Variants in NCAPG2 observed in about 807,000 individuals in gnomAD.
The protein encoded by NCAPG2 is non-SMC condensin II complex subunit G2.
NCAPG2 carries 53 observed loss-of-function variants against 141.1 expected under a neutral mutation model. The ratio of observed to expected loss-of-function variants is 0.38; its 90% CI spans 0.30 to 0.47. The LOEUF (loss-of-function observed/expected upper bound fraction) is 0.47, where lower values mean the gene tolerates loss of function less well. Among genes scored for constraint, NCAPG2 ranks in the 20% least tolerant of loss-of-function variants. The pLI is 0.99. For synonymous variants in NCAPG2, 499 were observed against 490.7 expected (o/e 1.02, Z -0.22); for missense variants, 1,087 against 1,389.0 (o/e 0.78, Z 3.46).
At chr7:158,655,092 G>C (rs544153673) in intron 21 of NCAPG2, 26 bp downstream of exon 21, 2 of 1,568,528 alleles carry the variant, frequency 1.3e-6, no homozygotes, top group East Asian at 4.5e-5. Flanking sequence ...TAAAGAGAAA[G>C]TTTTCTGTGT....
In NCAPG2 at chr7:158,693,495, T is replaced by C; in HGVS notation, c.81A>G (p.Lys27=). 1 of 1,605,750 alleles carries C rather than the reference T, an allele frequency of 6.2e-7. No homozygotes were observed. Among genetic ancestry groups the C allele is most frequent in the South Asian group, 1.1e-5 (1 of 89,894 alleles). ...TTAGGCTGAAAGGATCAGAGGCCTC[T>C]TTCTGTAACATAAATAGCAAGTGTC... The part of the protein sequence containing the change: ...GEFLQFVQLD[K]EASDPFSLNE... The change falls in exon 3 of 28, where the codon AAA becomes AAG. Residue 27 remains lysine (K), a splice_region_variant and synonymous_variant. Transcript: ENST00000356309.
intron 27 of NCAPG2, chr7:158,639,784 A>G (rs1830513776): frequency 2.5e-5 from 23 of 931,260 alleles, no homozygotes; most frequent in Non-Finnish European, 2.9e-5. Flanking sequence ...AAACAAAAAC[A>G]AAACACTACA....
At chr7:158,684,532 G>A (rs1834636900) in intron 8 of NCAPG2, among the ~76,000 whole-genome samples, 1 of 152,144 alleles carries the variant, frequency 6.6e-6, no homozygotes, top group Admixed American at 6.5e-5. Context: ...ACATTTTTAG[G>A]TCTTACAATG....
At chr7:158,690,807 T>C (rs1035397490) in intron 4 of NCAPG2, 85 bp from the exon 5 acceptor site, 31 of 1,246,822 alleles carry the variant, frequency 2.5e-5, no homozygotes, top group South Asian at 3.1e-5. Flanking sequence ...CATGACTTTA[T>C]ATATTATTTA....
chr7:158,669,259 G>T (rs1282595789), intron 13 of NCAPG2, among the ~76,000 whole-genome samples: 1 of 152,138 alleles, frequency 6.6e-6, no homozygotes, highest in African/African-American at 2.4e-5. Flanking sequence ...ATAATAAAAT[G>T]ATTTATATTC....
intron 1 of NCAPG2, among the ~76,000 whole-genome samples, chr7:158,704,513 G>A (rs1836042412): frequency 4.6e-5 from 7 of 152,322 alleles, no homozygotes; most frequent in Admixed American, 3.9e-4. Context: ...AGAAGGACGG[G>A]CGTCGCTGAG....
At chr7:158,632,665 C>A (rs1447680917) in intron 27 of NCAPG2, among the ~76,000 whole-genome samples, 5 of 152,240 alleles carry the variant, frequency 3.3e-5, no homozygotes, top group Non-Finnish European at 7.3e-5. Flanking sequence ...AGACTGCTGT[C>A]TACCACAGCC....
In NCAPG2 at chr7:158,692,879, G is replaced by C; in HGVS notation, c.345C>G (p.Asn115Lys). ...TAACACATTCCAGTAGGGCTTCGTAGTTCTCACTTTCATTTATTACAGACA... is the reference window on the plus strand; with the variant it reads ...TAACACATTCCAGTAGGGCTTCGTACTTCTCACTTTCATTTATTACAGACA... ...ASVSVINESE[N>K]YEALLECVII... The change falls in exon 4 of 28, where the codon AAC (asparagine) becomes AAG (lysine). Residue 115 changes from asparagine (N) to lysine (K), a missense_variant. Transcript: ENST00000356309. 1.3e-6 allele frequency: 2 copies of C among 1,590,190 alleles called. No individual in the cohort carries two copies. The highest frequency in any genetic ancestry group is 1.7e-6 in the Non-Finnish European group (2 of 1,162,300).
At chr7:158,648,315 A>G (rs906214015) in intron 24 of NCAPG2, among the ~76,000 whole-genome samples, 9 of 152,114 alleles carry the variant, frequency 5.9e-5, no homozygotes, top group Non-Finnish European at 1.3e-4. Context: ...AAAAAAAAAA[A>G]TTACACAAAA....
rs1051693130 is a variant in NCAPG2, at chr7:158,667,147, C to T, written c.1480-2397G>A. The T allele has an allele frequency of 1.2e-5, 12 of 985,266 alleles. No individual in the cohort carries two copies. The African/African-American group carries it at 1.9e-4, about 16-fold the overall frequency. 61.0% of individuals were successfully genotyped at this position (985,266 alleles called of 1,614,324 possible). A position where few individuals can be genotyped will look rare whatever the true frequency, so the allele number is the denominator to read the frequency against. On this transcript the variant is annotated intron_variant, in intron 13 of 27. Coordinates refer to ENST00000356309, the MANE Select transcript of NCAPG2 (RefSeq NM_017760.7). ...TGCTCGTCACAAACCTTTCCAGACA[C>T]CTCACAACCAAATGGCTGTCTGCCT...
chr7:158,654,827 G>A (rs916941148), intron 21 of NCAPG2, 133 bp from the exon 22 acceptor site: 1 of 1,393,390 alleles, frequency 7.2e-7, no homozygotes, highest in Non-Finnish European at 9.4e-7. Flanking sequence ...TTTTATAAAG[G>A]AATTTTCATA....
chr7:158,698,671 CTCA>C (rs1835601902), intron 2 of NCAPG2, among the ~76,000 whole-genome samples: 2 of 152,176 alleles, frequency 1.3e-5, no homozygotes, highest in South Asian at 4.1e-4. Context: ...AGAACCTATC[CTCA>C]TCAAGAGTCA....
chr7:158,664,335 T>A (rs1832753999), intron 14 of NCAPG2, 39 bp from the exon 15 acceptor site: 2 of 1,565,902 alleles, frequency 1.3e-6, no homozygotes, highest in South Asian at 2.2e-5. Context: ...ATGGATGTGT[T>A]TCTTCTACAA....
At chr7:158,667,162 G>A (rs915540138) in intron 13 of NCAPG2, 13 of 985,284 alleles carry the variant, frequency 1.3e-5, no homozygotes, top group Admixed American at 6.1e-5. Flanking sequence ...CAACCAAATG[G>A]CTGTCTGCCT....
intron 27 of NCAPG2, among the ~76,000 whole-genome samples, chr7:158,637,169 G>T (rs1490766591): frequency 6.6e-6 from 1 of 152,042 alleles, no homozygotes; most frequent in Non-Finnish European, 1.5e-5. Flanking sequence ...GGATGGTCTC[G>T]ATCTCCTGAC....
chr7:158,702,043 C>T (rs562461831), intron 1 of NCAPG2, 105 bp from the exon 2 acceptor site: 3 of 619,502 alleles, frequency 4.8e-6, no homozygotes, highest in East Asian at 3.1e-5. Context: ...TCCTCAACCA[C>T]GTATGGCAGA....
At chr7:158,654,922 G>A in intron 21 of NCAPG2, 196 bp downstream of exon 21, 1 of 1,106,936 alleles carries the variant, frequency 9.0e-7, no homozygotes, top group Non-Finnish European at 1.2e-6. Flanking sequence ...CCTCTTATAT[G>A]TAATGTATAA....
chr7:158,644,298 C>G lies in NCAPG2; in HGVS notation c.3371G>C (p.Ser1124Thr). The G allele has an allele frequency of 6.2e-7, 1 of 1,609,900 alleles. No homozygotes were observed. The highest frequency in any genetic ancestry group is 8.5e-7 in the Non-Finnish European group (1 of 1,176,206). The change falls in exon 27 of 28, where the codon AGC (serine) becomes ACC (threonine). Residue 1124 changes from serine to threonine, a missense_variant. By Grantham distance (58) the Ser-to-Thr change is moderately conservative. Coordinates refer to ENST00000356309, the MANE Select transcript of NCAPG2 (RefSeq NM_017760.7). ...AATATCTCTCCTTTACCTTTCAATG[C>G]TATCCTCTTCCAAAGTAATTTCCAT... ...TFMEITLEED[S>T]IERFLYESSS...
chr7:158,674,647 A>G (rs1833945674), intron 12 of NCAPG2, among the ~76,000 whole-genome samples: 1 of 152,262 alleles, frequency 6.6e-6, no homozygotes, highest in African/African-American at 2.4e-5. Flanking sequence ...GTGGGGAGGA[A>G]GATCCACAGA....
Sources: gnomAD v4.1 joint callset for allele counts (sites outside exome capture counted in the v4.1 genomes callset) on GRCh38, gnomAD v4.1.1 for gene constraint, MANE v1.5 for transcripts, NCBI Gene and HGNC (gene_info 2026-07-23, HGNC 2026-07-21) for gene names.